Variants in GRM7 observed in about 807,000 individuals in gnomAD.
GRM7 encodes metabotropic glutamate receptor 7.
Under a neutral mutation model 84.5 loss-of-function variants are expected in GRM7, and 35 were observed. The observed-to-expected ratio is 0.41, with a 90% CI of 0.32 to 0.55. The LOEUF is 0.55. Ranked by LOEUF, GRM7 falls within the 20% of genes least tolerant of loss-of-function variation. GRM7 has a pLI of 0.19. For missense variants in GRM7, 1,003 were observed against 1,194.6 expected, an observed-to-expected ratio of 0.84 and a Z score of 2.36; for synonymous variants, 487 against 455.1, an observed-to-expected ratio of 1.07 and a Z score of -0.89.
At chr3:7,483,191 T>A in intron 7 of GRM7, among the ~76,000 whole-genome samples, 1 of 152,212 alleles carries the variant, frequency 6.6e-6, no homozygotes, top group East Asian at 1.9e-4. Context: ...AGGTTTCTGA[T>A]CATATGGAGG....
chr3:7,456,481 T>A (rs1698016752), intron 6 of GRM7, among the ~76,000 whole-genome samples: 1 of 151,756 alleles, frequency 6.6e-6, no homozygotes, highest in Non-Finnish European at 1.5e-5. Flanking sequence ...GGAAACTGAT[T>A]CATGGGGAAT....
chr3:7,273,732 C>T (rs1474299552), intron 2 of GRM7, among the ~76,000 whole-genome samples: 6 of 151,678 alleles, frequency 4.0e-5, no homozygotes, highest in Admixed American at 6.6e-5. Flanking sequence ...TTAATCTATA[C>T]GAGTCTTTAA....
At chr3:7,039,024 A>G (rs942692076) in intron 1 of GRM7, among the ~76,000 whole-genome samples, 2 of 152,180 alleles carry the variant, frequency 1.3e-5, no homozygotes, top group South Asian at 2.1e-4. Context: ...GTGGAACCCT[A>G]TGGTTCAATA....
At chr3:7,640,258 G>A (rs372818055) in intron 8 of GRM7, among the ~76,000 whole-genome samples, 88 of 152,310 alleles carry the variant, frequency 5.8e-4, no homozygotes, top group African/African-American at 1.9e-3. Context: ...AAGATAGCAT[G>A]ATCTGTGTAA....
chr3:7,616,560 A>G (rs900085406), intron 8 of GRM7, among the ~76,000 whole-genome samples: 9 of 152,186 alleles, frequency 5.9e-5, no homozygotes, highest in African/African-American at 1.7e-4. Context: ...CTTTCCTGCT[A>G]CAACCCTCAA....
chr3:7,181,373 A>G (rs753335629), intron 2 of GRM7, among the ~76,000 whole-genome samples: 1 of 152,022 alleles, frequency 6.6e-6, no homozygotes, highest in Non-Finnish European at 1.5e-5. Flanking sequence ...TCTGTAGTCT[A>G]CTATTTTGGA....
chr3:7,395,275 T>A (rs936076050), intron 4 of GRM7, among the ~76,000 whole-genome samples: 13 of 152,210 alleles, frequency 8.5e-5, no homozygotes, highest in African/African-American at 2.9e-4. Flanking sequence ...TATGATGATG[T>A]ATCTATGATG....
chr3:7,043,147 C>A (rs942035546), intron 1 of GRM7, among the ~76,000 whole-genome samples: 1 of 152,180 alleles, frequency 6.6e-6, no homozygotes, highest in Non-Finnish European at 1.5e-5. Flanking sequence ...CTGTTGTTCT[C>A]TCAAATACTT....
chr3:7,425,758 A>T (rs1344369777), intron 5 of GRM7, among the ~76,000 whole-genome samples: 1 of 152,194 alleles, frequency 6.6e-6, no homozygotes, highest in Admixed American at 6.5e-5. Context: ...TACATTTTAA[A>T]ATTAAATTTA....
intron 7 of GRM7, among the ~76,000 whole-genome samples, chr3:7,564,333 G>GA (rs1056786186): frequency 6.6e-5 from 10 of 152,038 alleles, no homozygotes; most frequent in Non-Finnish European, 1.5e-4. Context: ...TTTCACAGAT[G>GA]AAAAAAATGA....
intron 4 of GRM7, among the ~76,000 whole-genome samples, chr3:7,411,606 C>T (rs1695939798): frequency 6.6e-6 from 1 of 152,204 alleles, no homozygotes; most frequent in Admixed American, 6.5e-5. Flanking sequence ...CTTTATGTGA[C>T]ATAAATGATA....
intron 1 of GRM7, among the ~76,000 whole-genome samples, chr3:7,059,603 T>G (rs1181903768): frequency 6.6e-6 from 1 of 151,786 alleles, no homozygotes; most frequent in Non-Finnish European, 1.5e-5. Flanking sequence ...ATGTTCTGCA[T>G]GCTTTCATCT....
intron 4 of GRM7, among the ~76,000 whole-genome samples, chr3:7,397,715 G>T (rs1695269283): frequency 6.6e-6 from 1 of 151,996 alleles, no homozygotes; most frequent in Non-Finnish European, 1.5e-5. Context: ...AAATTAAAAA[G>T]CATTAAATCA....
At chr3:7,713,114 A>ATTTTTTTTTTTT (rs1165234212) in intron 9 of GRM7, among the ~76,000 whole-genome samples, 2 of 129,852 alleles carry the variant, frequency 1.5e-5, no homozygotes, top group African/African-American at 3.1e-5. Context: ...GAGGATTCGA[A>ATTTTTTTTTTTT]TTTTGTTTTG....
intron 1 of GRM7, among the ~76,000 whole-genome samples, chr3:7,143,991 T>G (rs1694030996): frequency 6.6e-6 from 1 of 152,110 alleles, no homozygotes; most frequent in Non-Finnish European, 1.5e-5. Context: ...AATCGACACG[T>G]AGGTAACTCA....
intron 7 of GRM7, among the ~76,000 whole-genome samples, chr3:7,568,878 C>A (rs1056605258): frequency 6.6e-6 from 1 of 152,138 alleles, no homozygotes; most frequent in East Asian, 1.9e-4. Context: ...GAGCGCCCCC[C>A]CTCCATGGGC....
intron 1 of GRM7, among the ~76,000 whole-genome samples, chr3:6,882,815 G>T (rs540636187): frequency 1.1e-4 from 17 of 152,136 alleles, no homozygotes; most frequent in African/African-American, 3.9e-4. Flanking sequence ...CATTATTTAC[G>T]TAGCCAGTTT....
intron 4 of GRM7, among the ~76,000 whole-genome samples, chr3:7,320,012 T>C (rs1194594312): frequency 1.3e-5 from 2 of 152,068 alleles, no homozygotes; most frequent in African/African-American, 4.8e-5. Context: ...TCACTAATTC[T>C]ACCATCCTCA....
intron 8 of GRM7, among the ~76,000 whole-genome samples, chr3:7,648,437 A>G (rs1206291623): frequency 1.3e-5 from 2 of 151,992 alleles, no homozygotes; most frequent in African/African-American, 4.8e-5. Flanking sequence ...ACCTGAGGTC[A>G]GGAGTTCGAG....
Sources: gnomAD v4.1 joint callset for allele counts (sites outside exome capture counted in the v4.1 genomes callset) on GRCh38, gnomAD v4.1.1 for gene constraint, MANE v1.5 for transcripts, NCBI Gene and HGNC (gene_info 2026-07-23, HGNC 2026-07-21) for gene names.